KHDRBS2: variants seen among roughly 807,000 people sequenced by gnomAD.
KHDRBS2 encodes the protein KH domain-containing, RNA-binding, signal transduction-associated protein 2.
A neutral mutation model predicts 44.3 loss-of-function variants in KHDRBS2; 26 were observed. That is an observed-to-expected ratio of 0.59 (90% CI 0.43 to 0.81). The LOEUF is 0.81. Among genes scored for constraint, KHDRBS2 ranks in the 40% least tolerant of loss-of-function variants. The pLI is 0.00. For missense variants in KHDRBS2, 476 were observed against 433.1 expected (o/e 1.10, Z -0.88); for synonymous variants, 194 against 151.1 (o/e 1.28, Z -2.08).
chr6:62,075,965 T>A lies in KHDRBS2; in HGVS notation c.220-27971A>T, dbSNP rs1206304129. Among the ~76,000 whole-genome samples, 4 of 151,710 alleles carry A rather than the reference T, an allele frequency of 2.6e-5. No homozygotes were observed. In the South Asian group the frequency reaches 6.2e-4, roughly 24 times the overall value. ...TTTTTTGATCAATTTGAATGTAGAT[T>A]TTTTTTGCTGTTATGCTTTTACTCT... On this transcript the variant is annotated intron_variant, in intron 2 of 8. Coordinates refer to ENST00000281156, the MANE Select transcript of KHDRBS2 (RefSeq NM_152688.4).
chr6:61,814,404 C>T (rs1376093184), intron 6 of KHDRBS2, among the ~76,000 whole-genome samples: 2 of 151,958 alleles, frequency 1.3e-5, no homozygotes, highest in Non-Finnish European at 2.9e-5. Context: ...GTCAGGAGAT[C>T]GAGACCATCC....
At chr6:61,812,138 T>C (rs529320140) in intron 6 of KHDRBS2, among the ~76,000 whole-genome samples, 1 of 152,098 alleles carries the variant, frequency 6.6e-6, no homozygotes, top group South Asian at 2.1e-4. Flanking sequence ...AAATTTACCT[T>C]CCTTTATAAC....
chr6:62,118,414 TC>T (rs1224976854), intron 2 of KHDRBS2, among the ~76,000 whole-genome samples: 1 of 152,226 alleles, frequency 6.6e-6, no homozygotes, highest in Non-Finnish European at 1.5e-5. Context: ...GGGACTTTTT[TC>T]TTTTTTTATT....
chr6:61,595,474 AT>A, the KHDRBS2 span, among the ~76,000 whole-genome samples: 1 of 152,116 alleles, frequency 6.6e-6, no homozygotes, highest in Admixed American at 6.5e-5. Context: ...AAACAAAACT[AT>A]TTTTTTAACA....
chr6:61,590,489 A>G, the KHDRBS2 span, among the ~76,000 whole-genome samples: 4 of 152,328 alleles, frequency 2.6e-5, no homozygotes, highest in South Asian at 8.3e-4. Context: ...GTTTATCTAT[A>G]TATCATATAC....
At chr6:61,847,284 A>G (rs1334256789) in intron 6 of KHDRBS2, among the ~76,000 whole-genome samples, 1 of 152,144 alleles carries the variant, frequency 6.6e-6, no homozygotes, top group Non-Finnish European at 1.5e-5. Flanking sequence ...TTATATTTGT[A>G]AATACTTTAT....
At chr6:62,082,232 G>A (rs1396170850) in intron 2 of KHDRBS2, among the ~76,000 whole-genome samples, 1 of 151,698 alleles carries the variant, frequency 6.6e-6, no homozygotes, top group Non-Finnish European at 1.5e-5. Context: ...AATGATTAAA[G>A]ATTATTAAAA....
chr6:62,073,114 T>C (rs1315825531), intron 2 of KHDRBS2, among the ~76,000 whole-genome samples: 1 of 152,000 alleles, frequency 6.6e-6, no homozygotes, highest in Non-Finnish European at 1.5e-5. Flanking sequence ...TGTTCACTTC[T>C]AATCTTTGAA....
Position 61,810,486 on chromosome 6 carries a change from C to G in KHDRBS2, c.811-77722G>C, listed in dbSNP as rs9445430. ...GCAGCATTTTCCAGCCATCAGGTCA[C>G]AACATACTTGTATATTCTAATAAAT... On this transcript the variant is annotated intron_variant, in intron 6 of 8. Coordinates refer to ENST00000281156, the MANE Select transcript of KHDRBS2 (RefSeq NM_152688.4). Among the ~76,000 whole-genome samples the G allele has an allele frequency of 9.6e-3, 1,456 of 151,986 alleles. 21 individuals are homozygous for G. The highest frequency in any genetic ancestry group is 0.034 in the African/African-American group (1,389 of 41,426).
At chr6:62,036,315 T>C (rs1785273452) in intron 3 of KHDRBS2, among the ~76,000 whole-genome samples, 1 of 151,912 alleles carries the variant, frequency 6.6e-6, no homozygotes, top group Non-Finnish European at 1.5e-5. Flanking sequence ...GTCAACTCAA[T>C]CTTCTATGTC....
At chr6:62,100,353 TG>T (rs1801577342) in intron 2 of KHDRBS2, among the ~76,000 whole-genome samples, 1 of 152,220 alleles carries the variant, frequency 6.6e-6, no homozygotes, top group Non-Finnish European at 1.5e-5. Context: ...TGAACATTGT[TG>T]AAATGACAAC....
At chr6:62,191,301 A>C (rs1200796350) in intron 1 of KHDRBS2, among the ~76,000 whole-genome samples, 1 of 152,088 alleles carries the variant, frequency 6.6e-6, no homozygotes, top group African/African-American at 2.4e-5. Context: ...GTCTATCCTC[A>C]TACATACTCT....
At chr6:61,878,092 G>A (rs918378134) in intron 6 of KHDRBS2, among the ~76,000 whole-genome samples, 1 of 151,866 alleles carries the variant, frequency 6.6e-6, no homozygotes, top group Admixed American at 6.6e-5. Flanking sequence ...GTTCCATAGT[G>A]TTTCCCATAG....
the KHDRBS2 span, among the ~76,000 whole-genome samples, chr6:61,633,518 T>A: frequency 1.3e-5 from 2 of 152,038 alleles, no homozygotes; most frequent in African/African-American, 4.8e-5. Flanking sequence ...AAATCTGCAA[T>A]CTGGCTTAGG....
chr6:62,129,219 AC>A (rs1439685074), intron 2 of KHDRBS2, among the ~76,000 whole-genome samples: 12 of 152,098 alleles, frequency 7.9e-5, no homozygotes, highest in Admixed American at 7.9e-4. Context: ...GTTTATTAAA[AC>A]CCCACAACAA....
At chr6:61,786,260 T>C (rs1681129114) in intron 6 of KHDRBS2, among the ~76,000 whole-genome samples, 1 of 152,132 alleles carries the variant, frequency 6.6e-6, no homozygotes. Flanking sequence ...ATTAAATTAA[T>C]CAAACCGCAT....
intron 6 of KHDRBS2, among the ~76,000 whole-genome samples, chr6:61,823,084 T>G (rs1452736551): frequency 6.6e-6 from 1 of 151,966 alleles, no homozygotes; most frequent in Admixed American, 6.6e-5. Flanking sequence ...TCATTCTAGC[T>G]GATAGGTGTT....
the KHDRBS2 span, among the ~76,000 whole-genome samples, chr6:61,602,699 T>C: frequency 1.4e-4 from 21 of 152,186 alleles, no homozygotes; most frequent in African/African-American, 4.3e-4. Context: ...CCACTCCACA[T>C]TACCTTCTTT....
At chr6:61,862,222 C>A (rs1797089299) in intron 6 of KHDRBS2, among the ~76,000 whole-genome samples, 1 of 151,994 alleles carries the variant, frequency 6.6e-6, no homozygotes, top group African/African-American at 2.4e-5. Context: ...CATCTGCAAG[C>A]AAAGATAGAT....
Sources: allele counts gnomAD v4.1 joint callset (sites outside exome capture counted in the v4.1 genomes callset), GRCh38; gene constraint gnomAD v4.1.1; transcripts MANE v1.5; gene names NCBI Gene and HGNC (gene_info 2026-07-23, HGNC 2026-07-21).